Variants in GSE1 observed in about 807,000 individuals in gnomAD.
GSE1 encodes Gse1 coiled-coil protein, also known as genetic suppressor element 1.
In GSE1, 32 loss-of-function variants were observed where a neutral mutation model predicts 112.6. The ratio of observed to expected loss-of-function variants is 0.28; its 90% CI spans 0.21 to 0.38. GSE1 has a LOEUF of 0.38. Among genes scored for constraint, GSE1 ranks in the 10% least tolerant of loss-of-function variants. The pLI, the probability that GSE1 is intolerant of heterozygous loss-of-function variation, is 1.00. For synonymous variants in GSE1, 1,115 were observed against 735.6 expected (o/e 1.52, Z -8.35); for missense variants, 2,348 against 1,699.2 (o/e 1.38, Z -6.71).
chr16:85,211,953 G>C (rs929959160), intron 1 of GSE1, among the ~76,000 whole-genome samples: 1 of 152,204 alleles, frequency 6.6e-6, no homozygotes, highest in Admixed American at 6.5e-5. Context: ...CCCCGTGCTG[G>C]CATCACTTGA....
At chr16:85,420,070 G>A (rs948512561) in intron 2 of GSE1, among the ~76,000 whole-genome samples, 11 of 151,686 alleles carry the variant, frequency 7.3e-5, no homozygotes, top group South Asian at 2.1e-4. Flanking sequence ...GGGGTCTGAC[G>A]GGTGCCCTGG....
intron 2 of GSE1, among the ~76,000 whole-genome samples, chr16:85,456,903 T>C (rs2049844163): frequency 6.6e-6 from 1 of 152,070 alleles, no homozygotes; most frequent in Non-Finnish European, 1.5e-5. Flanking sequence ...TCAAAGAAGA[T>C]GCCATTCACA....
At chr16:85,622,662 A>C (rs1280339249) in intron 1 of GSE1, among the ~76,000 whole-genome samples, 1 of 152,160 alleles carries the variant, frequency 6.6e-6, no homozygotes, top group African/African-American at 2.4e-5. Context: ...GGCGGATGTA[A>C]CTGTTTTATG....
At chr16:85,481,756 G>T (rs577137528) in intron 2 of GSE1, among the ~76,000 whole-genome samples, 1 of 152,200 alleles carries the variant, frequency 6.6e-6, no homozygotes, top group Non-Finnish European at 1.5e-5. Context: ...CCCAATGCCC[G>T]GCACTTTGGG....
At chr16:85,653,964 C>T (rs563845492) in intron 3 of GSE1, among the ~76,000 whole-genome samples, 4 of 152,264 alleles carry the variant, frequency 2.6e-5, no homozygotes, top group Admixed American at 1.3e-4. Context: ...GCCCCTGCCA[C>T]CCTGCATCCT....
chr16:85,622,973 G>T (rs531265047), intron 1 of GSE1, among the ~76,000 whole-genome samples: 2 of 152,246 alleles, frequency 1.3e-5, no homozygotes, highest in Admixed American at 1.3e-4. Flanking sequence ...GAGACCATAG[G>T]GAGGGGAGGG....
chr16:85,173,568 G>C (rs913213791), intron 1 of GSE1, among the ~76,000 whole-genome samples: 17 of 152,174 alleles, frequency 1.1e-4, no homozygotes, highest in Non-Finnish European at 1.9e-4. Context: ...CTTGCAGGCT[G>C]GGTGCCAGTT....
chr16:85,663,418 G>A lies in GSE1; in HGVS notation c.2448G>A (p.Arg816=), dbSNP rs762718415. 30 of 1,613,778 alleles carry A rather than the reference G, an allele frequency of 1.9e-5. No individual in the cohort carries two copies. The highest frequency in any genetic ancestry group is 2.7e-5 in the African/African-American group (2 of 74,908). Residue 816 remains arginine, a synonymous_variant, in exon 11 of 16, where the codon AGG becomes AGA. Coordinates refer to ENST00000253458, the MANE Select transcript of GSE1 (RefSeq NM_014615.5). ...AGGAATTGGTGGCCCAGAAGCGGAG[G>A]AAGCGGCGGAGGATGCTGCGAGAGA... is the stretch of plus-strand genomic sequence containing the variant. ...QKEELVAQKR[R]KRRRMLRERS... is the part of the protein sequence containing the mutation.
chr16:85,298,131 G>C (rs1035310105), intron 1 of GSE1, among the ~76,000 whole-genome samples: 22 of 152,322 alleles, frequency 1.4e-4, no homozygotes, highest in African/African-American at 5.1e-4. Flanking sequence ...GATCTTATTA[G>C]AAAAGCGGAT....
At chr16:85,584,787 A>T (rs77564316) in intron 1 of GSE1, among the ~76,000 whole-genome samples, 1 of 152,198 alleles carries the variant, frequency 6.6e-6, no homozygotes, top group Admixed American at 6.5e-5. Flanking sequence ...TCTGGCCGGA[A>T]AAGTTGGTGG....
At chr16:85,615,288 C>T (rs909336586) in intron 1 of GSE1, among the ~76,000 whole-genome samples, 4 of 152,164 alleles carry the variant, frequency 2.6e-5, no homozygotes, top group African/African-American at 4.8e-5. Context: ...GGAGTCGCCC[C>T]GCCCAGGTAG....
At chr16:85,288,781 C>T (rs1567665539) in intron 1 of GSE1, among the ~76,000 whole-genome samples, 1 of 152,188 alleles carries the variant, frequency 6.6e-6, no homozygotes, top group Non-Finnish European at 1.5e-5. Flanking sequence ...ATTTCAGCCC[C>T]AGCAAATCTT....
At chr16:85,638,475 C>G (rs2050184057) in intron 2 of GSE1, among the ~76,000 whole-genome samples, 1 of 152,238 alleles carries the variant, frequency 6.6e-6, no homozygotes, top group South Asian at 2.1e-4. Flanking sequence ...TGCCCCAGCA[C>G]TTTCCTTCCT....
Position 85,416,257 on chromosome 16 carries a change from C to T in GSE1, c.2464+58614C>T, listed in dbSNP as rs918393259. Among the ~76,000 whole-genome samples the T allele has an allele frequency of 3.3e-5, 5 of 152,274 alleles. No homozygotes were observed. In the East Asian group the frequency reaches 9.7e-4, roughly 29 times the overall value. ...ATAAATTGCATTATTAAATATGAACCGCTCTTGGAACCCGGCTCGCCAGCC... is the reference window on the plus strand; with the variant it reads ...ATAAATTGCATTATTAAATATGAACTGCTCTTGGAACCCGGCTCGCCAGCC... On this transcript the variant is annotated intron_variant, in intron 2 of 2. Coordinates refer to the GSE1 transcript ENST00000637419.
At chr16:85,234,977 A>G (rs374917410) in intron 1 of GSE1, among the ~76,000 whole-genome samples, 5 of 151,936 alleles carry the variant, frequency 3.3e-5, no homozygotes, top group African/African-American at 1.2e-4. Flanking sequence ...CTAGAGAGAG[A>G]GGCCAATCTG....
At chr16:85,217,988 C>T (rs2075332376) in intron 1 of GSE1, among the ~76,000 whole-genome samples, 1 of 152,160 alleles carries the variant, frequency 6.6e-6, no homozygotes. Flanking sequence ...GCAACCTCTG[C>T]CTCCTAGGTT....
At position 85,524,891 on chromosome 16, in the gene GSE1, T is replaced by TCCCGAGGCC. The variant is rs2052312736; in HGVS notation, c.2465-109013_2465-109005dup. Among the ~76,000 whole-genome samples, 4 of 152,276 alleles carry TCCCGAGGCC rather than the reference T, an allele frequency of 2.6e-5. No homozygotes were observed. The South Asian group carries it at 8.3e-4, about 32-fold the overall frequency. ...GCCTCATCTCTGCATTGCTGGGATC[T>TCCCGAGGCC]CCCGAGGCCCCCGAGGCCATGGAGG... On this transcript the variant is annotated intron_variant, in intron 2 of 2. Transcript: ENST00000637419.
intron 2 of GSE1, among the ~76,000 whole-genome samples, chr16:85,542,523 C>T (rs1476380285): frequency 6.6e-6 from 1 of 152,222 alleles, no homozygotes; most frequent in East Asian, 1.9e-4. Context: ...GCGCAGCAAG[C>T]CTACCTCCCA....
intron 1 of GSE1, among the ~76,000 whole-genome samples, chr16:85,178,474 A>C (rs539947409): frequency 6.6e-6 from 1 of 152,106 alleles, no homozygotes; most frequent in Non-Finnish European, 1.5e-5. Context: ...AATACCAATG[A>C]CAGGGCCCTG....
Sources: allele counts gnomAD v4.1 joint callset (sites outside exome capture counted in the v4.1 genomes callset), GRCh38; gene constraint gnomAD v4.1.1; transcripts MANE v1.5; gene names NCBI Gene and HGNC (gene_info 2026-07-23, HGNC 2026-07-21).